The following FIGNL2 variants were observed in gnomAD, a reference collection of about 807,000 sequenced individuals.
FIGNL2 encodes fidgetin-like protein 2.
For missense variants in FIGNL2, 1,060 were observed against 950.2 expected (o/e 1.12, Z -1.52); for synonymous variants, 565 against 484.0 (o/e 1.17, Z -2.20).
chr12:51,834,097 G>GTGGATGGTTGGATGGA lies in FIGNL2; in HGVS notation c.-11-11674_-11-11673insTCCATCCAACCATCCA, dbSNP rs1555234024. Among the ~76,000 whole-genome samples the GTGGATGGTTGGATGGA allele has an allele frequency of 1.1e-4, 10 of 87,962 alleles. 1 individual carries two copies. The highest frequency in any genetic ancestry group is 4.2e-4 in the Admixed American group (4 of 9,478). The allele number at this position is 87,962 out of a possible 152,430, so 57.7% of individuals were successfully genotyped here. On this transcript the variant is annotated intron_variant, in intron 1 of 1. Transcript: ENST00000618634. The stretch of plus-strand genomic sequence containing the variant: ...GATGAATAGACAGACAGACGGATGG[G>GTGGATGGTTGGATGGA]TGGATGGATGGTTGGATGGATGGAT...
chr12:51,820,699 G>T lies in FIGNL2; in HGVS notation c.1715C>A (p.Ala572Asp). 6.7e-7 allele frequency: 1 copy of T among 1,488,964 alleles called. No homozygotes were observed. 92.2% of individuals were successfully genotyped at this position (1,488,964 alleles called of 1,614,324 possible). A position where few individuals can be genotyped will look rare whatever the true frequency, so the allele number is the denominator to read the frequency against. The stretch of plus-strand genomic sequence containing the variant: ...CTCACTGAGCGCGCAGCCCTGCTGG[G>T]CCAGCGCCCGCTGCAGGATCTGCCC... Reference protein sequence around the residue: ...ARGQILQRALAQQGCALSERE... With the variant: ...ARGQILQRALDQQGCALSERE... Residue 572 changes from alanine (A) to aspartate (D), a missense_variant, in exon 2 of 2, where the codon GCC becomes GAC. Transcript: ENST00000618634.
Position 51,838,223 on chromosome 12 carries a change from G to A in FIGNL2, c.-12+10317C>T, listed in dbSNP as rs553967417. 9.8e-5 allele frequency among the ~76,000 whole-genome samples: 15 copies of A among 152,322 alleles called. No individual in the cohort carries two copies. In the East Asian group the frequency reaches 1.7e-3, roughly 18 times the overall value. ...GGAAGAAAGGAGTAAGGGCTGCCCT[G>A]TCTGTGTGCTTCCCAGAGGCCACTG... On this transcript the variant is annotated intron_variant, in intron 1 of 1. Transcript: ENST00000618634.
In FIGNL2 at chr12:51,822,115, G is replaced by C. The variant is rs752305574; in HGVS notation, c.299C>G (p.Pro100Arg). 9.9e-6 allele frequency: 16 copies of C among 1,611,014 alleles called. No individual in the cohort carries two copies. In the African/African-American group the frequency reaches 2.1e-4, roughly 22 times the overall value. ...NGAKGDPEPW[P>R]GPEPPYPLAS... ...CAAGGGGTAGGGTGGCTCCGGCCCT[G>C]GCCAGGGCTCGGGATCCCCTTTGGC... Residue 100 changes from proline to arginine, a missense_variant, in exon 2 of 2, where the codon CCA becomes CGA. Coordinates refer to ENST00000618634, the MANE Select transcript of FIGNL2 (RefSeq NM_001384995.1).
intron 1 of FIGNL2, chr12:51,847,524 G>T: frequency 1.0e-6 from 1 of 985,440 alleles, no homozygotes; most frequent in Non-Finnish European, 1.2e-6. Flanking sequence ...ACAGCCCTAC[G>T]GCCTAATCCT....
rs1233803233 is a variant in FIGNL2 at position 51,820,594 on chromosome 12, G to A, written c.1820C>T (p.Ala607Val). 1 of 1,525,430 alleles carries A rather than the reference G, an allele frequency of 6.6e-7. No individual in the cohort carries two copies. The highest frequency in any genetic ancestry group is 8.7e-7 in the Non-Finnish European group (1 of 1,142,962). 94.5% of individuals were successfully genotyped at this position (1,525,430 alleles called of 1,614,324 possible). A position where few individuals can be genotyped will look rare whatever the true frequency, so the allele number is the denominator to read the frequency against. Reference sequence around the variant, plus strand: ...CTGCAGCCCCGGGAGGCCCGCCCCGGCCGCCGCCTGCTGGCACAGCTGCCC... The same window carrying A: ...CTGCAGCCCCGGGAGGCCCGCCCCGACCGCCGCCTGCTGGCACAGCTGCCC... Reference protein sequence around the residue: ...ELGQLCQQAAAGAGLPGLQRP... With the variant: ...ELGQLCQQAAVGAGLPGLQRP... The change falls in exon 2 of 2, where the codon GCC becomes GTC. Residue 607 changes from alanine (A) to valine (V), a missense_variant. Transcript: ENST00000618634.
intron 1 of FIGNL2, among the ~76,000 whole-genome samples, chr12:51,839,973 A>G (rs192884561): frequency 6.6e-6 from 1 of 152,274 alleles, no homozygotes; most frequent in East Asian, 1.9e-4. Flanking sequence ...AATGATAGTC[A>G]TGACTTTTTG....
At chr12:51,826,692 G>T (rs560237388) in intron 1 of FIGNL2, among the ~76,000 whole-genome samples, 1 of 150,600 alleles carries the variant, frequency 6.6e-6, no homozygotes, top group African/African-American at 2.4e-5. Flanking sequence ...CACCAGGTCA[G>T]CAACTTCTGC....
At chr12:51,832,951 T>A (rs577274445) in intron 1 of FIGNL2, among the ~76,000 whole-genome samples, 1 of 152,338 alleles carries the variant, frequency 6.6e-6, no homozygotes, top group Admixed American at 6.5e-5. Context: ...CCTTAACTTC[T>A]CTTTCACTCT....
At chr12:51,845,899 G>A (rs1939741215) in intron 1 of FIGNL2, among the ~76,000 whole-genome samples, 1 of 151,902 alleles carries the variant, frequency 6.6e-6, no homozygotes. Flanking sequence ...CTGGTCTGTG[G>A]GGAAGGGAAG....
chr12:51,838,634 C>A (rs994248517), intron 1 of FIGNL2, among the ~76,000 whole-genome samples: 1 of 152,284 alleles, frequency 6.6e-6, no homozygotes, highest in African/African-American at 2.4e-5. Flanking sequence ...GAGGCAGCAT[C>A]CCCCTCACAG....
chr12:51,846,975 A>T (rs927436740), intron 1 of FIGNL2: 8 of 982,406 alleles, frequency 8.1e-6, no homozygotes, highest in Non-Finnish European at 9.7e-6. Context: ...CAGCCCAGCC[A>T]CCCCAGCAAG....
rs1292551444 is a variant in FIGNL2 at position 51,820,501 on chromosome 12, T to A, written c.1913A>T (p.Glu638Val). ...AKVGPRASAK[E>V]LDSFVEWDKM... is the part of the protein sequence containing the mutation. Reference sequence around the variant, plus strand: ...GTCCCACTCCACGAACGAGTCCAGTTCCTTGGCAGAGGCCCTAGGGCCCAC... The same window carrying A: ...GTCCCACTCCACGAACGAGTCCAGTACCTTGGCAGAGGCCCTAGGGCCCAC... Residue 638 changes from glutamate to valine, a missense_variant, in exon 2 of 2, where the codon GAA (glutamate) becomes GTA (valine). By Grantham distance (121) the Glu-to-Val change is moderately radical (BLOSUM62 -2). Transcript: ENST00000618634. 1.3e-6 allele frequency: 2 copies of A among 1,585,040 alleles called. No homozygotes were observed. The highest frequency in any genetic ancestry group is 1.7e-6 in the Non-Finnish European group (2 of 1,173,540).
In FIGNL2 at chr12:51,820,362, T is replaced by C. The variant is rs1939143584; in HGVS notation, c.*90A>G. The C allele has an allele frequency of 6.7e-7, 1 of 1,502,278 alleles. No individual in the cohort carries two copies. The highest frequency in any genetic ancestry group is 2.5e-5 in the East Asian group (1 of 39,638). 93.1% of individuals were successfully genotyped at this position (1,502,278 alleles called of 1,614,324 possible). A position where few individuals can be genotyped will look rare whatever the true frequency, so the allele number is the denominator to read the frequency against. On this transcript the variant is annotated 3_prime_UTR_variant, in exon 2 of 2. Coordinates refer to ENST00000618634, the MANE Select transcript of FIGNL2 (RefSeq NM_001384995.1). ...ATCCCACATTCACCACTCCAGCCCC[T>C]GCCAGCCGGGTTTAGTCAGTGACAT... is the stretch of plus-strand genomic sequence containing the variant.
At chr12:51,834,325 C>G (rs1939542573) in intron 1 of FIGNL2, among the ~76,000 whole-genome samples, 1 of 152,068 alleles carries the variant, frequency 6.6e-6, no homozygotes, top group Admixed American at 6.5e-5. Flanking sequence ...AGGAAAGTGT[C>G]CAGCCCCCAA....
intron 1 of FIGNL2, among the ~76,000 whole-genome samples, chr12:51,843,903 C>T (rs78114926): frequency 8.2e-4 from 124 of 151,908 alleles, no homozygotes; most frequent in African/African-American, 2.7e-3. Flanking sequence ...GTGAGACCAC[C>T]GCCTCTACAA....
chr12:51,834,288 A>G (rs1303213582), intron 1 of FIGNL2, among the ~76,000 whole-genome samples: 1 of 152,078 alleles, frequency 6.6e-6, no homozygotes, highest in African/African-American at 2.4e-5. Context: ...GGAGTCCAGA[A>G]GGGGCATTTG....
In FIGNL2 at chr12:51,845,454, C is replaced by CTCA. The variant is rs1939731975; in HGVS notation, c.-12+3083_-12+3085dup. On this transcript the variant is annotated intron_variant, in intron 1 of 1. Transcript: ENST00000618634. ...GCACCCCATACTTGACCTCTTGTGG[C>CTCA]TCACCGCCCCCCCCCCACAGTCTCT... 9 of 926,262 alleles carry CTCA rather than the reference C, an allele frequency of 9.7e-6. No individual in the cohort carries two copies. The South Asian group carries it at 3.6e-4, about 37-fold the overall frequency. The allele number at this position is 926,262 out of a possible 1,614,324, so 57.4% of individuals were successfully genotyped here.
chr12:51,829,564 A>G (rs760008925), intron 1 of FIGNL2, among the ~76,000 whole-genome samples: 1 of 152,078 alleles, frequency 6.6e-6, no homozygotes, highest in South Asian at 2.1e-4. Context: ...GGCTCAACAC[A>G]TGTTTAGGGA....
chr12:51,823,127 G>C (rs574307387), intron 1 of FIGNL2, among the ~76,000 whole-genome samples: 34 of 152,224 alleles, frequency 2.2e-4, no homozygotes, highest in Non-Finnish European at 4.1e-4. Context: ...GATGAAGTCA[G>C]AGCACCTGGA....
Sources: allele counts gnomAD v4.1 joint callset (sites outside exome capture counted in the v4.1 genomes callset), GRCh38; gene constraint gnomAD v4.1.1; transcripts MANE v1.5; gene names NCBI Gene and HGNC (gene_info 2026-07-23, HGNC 2026-07-21).